The following TCF4 variants were observed in gnomAD, a reference collection of about 807,000 sequenced individuals.
TCF4 encodes transcription factor 4.
A neutral mutation model predicts 82.1 loss-of-function variants in TCF4; 3 were observed. The observed-to-expected ratio is 0.04, with a 90% CI of 0.02 to 0.09. The LOEUF is 0.09. Among genes scored for constraint, TCF4 ranks in the 10% least tolerant of loss-of-function variants. The pLI is 1.00. For synonymous variants in TCF4, 276 were observed against 309.6 expected (o/e 0.89, Z 1.14); for missense variants, 518 against 852.7 (o/e 0.61, Z 4.89).
At chr18:55,325,490 A>G (rs757892747) in intron 8 of TCF4, among the ~76,000 whole-genome samples, 1 of 152,214 alleles carries the variant, frequency 6.6e-6, no homozygotes, top group Non-Finnish European at 1.5e-5. Flanking sequence ...AATAAACCTA[A>G]TGAACATCTA....
At chr18:55,355,454 A>T (rs1344223485) in intron 6 of TCF4, among the ~76,000 whole-genome samples, 1 of 152,172 alleles carries the variant, frequency 6.6e-6, no homozygotes, top group Non-Finnish European at 1.5e-5. Context: ...TGACCACAGA[A>T]GGGCCATTGC....
chr18:55,463,504 C>A (rs973746549), intron 4 of TCF4, among the ~76,000 whole-genome samples: 1 of 152,034 alleles, frequency 6.6e-6, no homozygotes, highest in Non-Finnish European at 1.5e-5. Context: ...AGAAGAATAG[C>A]AAAAAGTTGA....
chr18:55,321,309 G>A, intron 8 of TCF4: 1 of 265,878 alleles, frequency 3.8e-6, no homozygotes, highest in South Asian at 5.0e-5. Context: ...TCTCATATCT[G>A]CTTTTCCTTT....
chr18:55,368,484 C>T (rs1228151389), intron 6 of TCF4, among the ~76,000 whole-genome samples: 1 of 152,128 alleles, frequency 6.6e-6, no homozygotes, highest in Non-Finnish European at 1.5e-5. Flanking sequence ...GACATTCATA[C>T]ACTGCAAACA....
intron 8 of TCF4, chr18:55,321,326 G>T: frequency 3.5e-6 from 1 of 284,478 alleles, no homozygotes; most frequent in South Asian, 5.1e-5. Flanking sequence ...CTTTCTAACA[G>T]TCATTTGGAA....
At chr18:55,597,054 T>G (rs2097691696) in intron 2 of TCF4, among the ~76,000 whole-genome samples, 1 of 152,142 alleles carries the variant, frequency 6.6e-6, no homozygotes, top group Non-Finnish European at 1.5e-5. Context: ...CCCTTCGCTC[T>G]CTCTCTCCTG....
chr18:55,513,457 G>A (rs528666398), intron 3 of TCF4, among the ~76,000 whole-genome samples: 2 of 150,448 alleles, frequency 1.3e-5, no homozygotes, highest in South Asian at 4.2e-4. Context: ...CTGTGTGAAT[G>A]AGTCAGAATA....
chr18:55,570,625 T>A (rs1820988983), intron 3 of TCF4, among the ~76,000 whole-genome samples: 1 of 152,132 alleles, frequency 6.6e-6, no homozygotes, highest in Non-Finnish European at 1.5e-5. Context: ...CTCATGCCTA[T>A]AATCTCAGCA....
intron 5 of TCF4, among the ~76,000 whole-genome samples, chr18:55,427,627 ATTG>A (rs1350450178): frequency 6.6e-6 from 1 of 152,218 alleles, no homozygotes; most frequent in African/African-American, 2.4e-5. Flanking sequence ...ACATCATGCT[ATTG>A]TTGTGAGGAA....
chr18:55,512,725 T>C (rs557534153), intron 3 of TCF4, among the ~76,000 whole-genome samples: 3 of 152,242 alleles, frequency 2.0e-5, no homozygotes, highest in Non-Finnish European at 4.4e-5. Flanking sequence ...AACTGTATGA[T>C]GGTGACACAG....
chr18:55,431,134 T>C (rs529971936), intron 5 of TCF4, among the ~76,000 whole-genome samples: 22 of 152,320 alleles, frequency 1.4e-4, no homozygotes, highest in African/African-American at 5.3e-4. Flanking sequence ...CATTTTCTTC[T>C]AAGACATGGG....
intron 5 of TCF4, among the ~76,000 whole-genome samples, chr18:55,413,761 T>C (rs1419345700): frequency 6.6e-6 from 1 of 152,164 alleles, no homozygotes; most frequent in Admixed American, 6.5e-5. Flanking sequence ...GCCAGAAGAA[T>C]GACCTCATCC....
intron 3 of TCF4, among the ~76,000 whole-genome samples, chr18:55,569,069 T>G (rs1307326137): frequency 6.6e-6 from 1 of 152,182 alleles, no homozygotes; most frequent in Non-Finnish European, 1.5e-5. Flanking sequence ...TCATGAAATA[T>G]GAATAGAATG....
chr18:55,361,190 T>A (rs2085086159), intron 6 of TCF4, among the ~76,000 whole-genome samples: 1 of 152,080 alleles, frequency 6.6e-6, no homozygotes, highest in Admixed American at 6.6e-5. Flanking sequence ...GAATTGGCCT[T>A]CTAAAATCCA....
rs919796088 is a variant in TCF4, at chr18:55,265,686, T to G, written c.922+4145A>C. On this transcript the variant is annotated intron_variant, in intron 11 of 19. Coordinates refer to ENST00000354452, the MANE Select transcript of TCF4 (RefSeq NM_001083962.2). ...TATAAAGTGAACATTATGTGACTAC[T>G]CTAATAATAAAATTACTGTGAAACC... 7.2e-5 allele frequency: 11 copies of G among 152,318 alleles called. No individual in the cohort carries two copies. In the East Asian group the frequency reaches 2.1e-3, roughly 29 times the overall value. The allele number at this position is 152,318 out of a possible 1,614,324, so 9.4% of individuals were successfully genotyped here. A position where few individuals can be genotyped will look rare whatever the true frequency, so the allele number is the denominator to read the frequency against.
intron 5 of TCF4, among the ~76,000 whole-genome samples, chr18:55,410,798 T>G (rs1603450436): frequency 1.3e-5 from 2 of 152,108 alleles, no homozygotes; most frequent in Non-Finnish European, 2.9e-5. Flanking sequence ...ATTCATAAAG[T>G]CAAAGAGTTC....
chr18:55,237,654 G>C (rs907122478), intron 15 of TCF4, among the ~76,000 whole-genome samples: 18 of 151,846 alleles, frequency 1.2e-4, no homozygotes, highest in Non-Finnish European at 4.4e-5. Context: ...GATGTTTTAA[G>C]ACTCCCCTTG....
rs1477043523 is a variant in TCF4, at chr18:55,363,359, T to A, written c.370-12356A>T. Among the ~76,000 whole-genome samples the A allele has an allele frequency of 3.9e-5, 6 of 152,186 alleles. No individual in the cohort carries two copies. In the South Asian group the frequency reaches 1.0e-3, roughly 26 times the overall value. On this transcript the variant is annotated intron_variant, in intron 6 of 19. Coordinates refer to ENST00000354452, the MANE Select transcript of TCF4 (RefSeq NM_001083962.2). ...AAAATTTACGTTTTTGCTTCACACT[T>A]CATACTAAAATATGTTTAAATGCAA... is the stretch of plus-strand genomic sequence containing the variant.
chr18:55,344,824 AG>A (rs2080822550), intron 8 of TCF4, among the ~76,000 whole-genome samples: 1 of 152,048 alleles, frequency 6.6e-6, no homozygotes, highest in Admixed American at 6.6e-5. Flanking sequence ...GTTTTGTTTG[AG>A]TGTTTGGGGC....
Sources: gnomAD v4.1 joint callset for allele counts (sites outside exome capture counted in the v4.1 genomes callset) on GRCh38, gnomAD v4.1.1 for gene constraint, MANE v1.5 for transcripts, NCBI Gene and HGNC (gene_info 2026-07-23, HGNC 2026-07-21) for gene names.